Variants in MACROD1 observed in about 807,000 individuals in gnomAD.
MACROD1 encodes ADP-ribose glycohydrolase MACROD1.
Under a neutral mutation model 41.4 loss-of-function variants are expected in MACROD1, and 31 were observed. The observed-to-expected ratio is 0.75, with a 90% CI of 0.56 to 1.01. MACROD1 has a LOEUF of 1.01. Ranked by LOEUF, MACROD1 falls within the 50% of genes least tolerant of loss-of-function variation. The probability of loss-of-function intolerance (pLI) is 0.00; values close to 1 mark genes in which losing one functional copy is unlikely to be tolerated. For missense variants in MACROD1, 473 were observed against 460.0 expected (o/e 1.03, Z -0.26); for synonymous variants, 252 against 203.4 (o/e 1.24, Z -2.03).
At chr11:64,019,927 C>T (rs914389847) in intron 3 of MACROD1, among the ~76,000 whole-genome samples, 7 of 152,106 alleles carry the variant, frequency 4.6e-5, no homozygotes, top group African/African-American at 1.7e-4. Flanking sequence ...TGAGGGCACC[C>T]TACCAGCCAA....
intron 3 of MACROD1, chr11:64,116,100 A>G (rs1944973912): frequency 9.6e-7 from 1 of 1,040,336 alleles, no homozygotes; most frequent in Admixed American, 2.9e-5. Context: ...CTCACCCCGC[A>G]GGACCGGACT....
chr11:63,998,965 G>A lies in MACROD1; in HGVS notation c.963C>T (p.Tyr321=), dbSNP rs368260645. 1.0e-4 allele frequency: 166 copies of A among 1,604,506 alleles called. No homozygotes were observed. The highest frequency in any genetic ancestry group is 1.3e-4 in the Non-Finnish European group (149 of 1,176,752). Residue 321 remains tyrosine, a synonymous_variant, in exon 9 of 11, where the codon TAC becomes TAT. Coordinates refer to ENST00000255681, the MANE Select transcript of MACROD1 (RefSeq NM_014067.4). ...GCGCGGGGCACGTACCCACGGGGAA[G>A]TAGTGGGGGAGCCGGCTCCGGTAGA... ...EDIYRSRLPH[Y]FPVA is the part of the protein sequence containing the mutation.
chr11:64,138,828 C>T (rs1945369014), intron 3 of MACROD1, among the ~76,000 whole-genome samples: 1 of 151,882 alleles, frequency 6.6e-6, no homozygotes, highest in Non-Finnish European at 1.5e-5. Flanking sequence ...AGTGCGGTGG[C>T]ACCATCTCAG....
intron 4 of MACROD1, among the ~76,000 whole-genome samples, chr11:64,004,708 T>C (rs1414771520): frequency 6.6e-6 from 1 of 151,930 alleles, no homozygotes; most frequent in African/African-American, 2.4e-5. Context: ...TGCTGGTGGT[T>C]TGGGGCAAGT....
chr11:64,033,739 G>T (rs1304588287), intron 3 of MACROD1, among the ~76,000 whole-genome samples: 1 of 152,056 alleles, frequency 6.6e-6, no homozygotes, highest in Non-Finnish European at 1.5e-5. Flanking sequence ...TACTCGGGAG[G>T]CTGAGGCAGG....
At chr11:64,055,500 G>A (rs946448427) in intron 3 of MACROD1, among the ~76,000 whole-genome samples, 3 of 152,186 alleles carry the variant, frequency 2.0e-5, no homozygotes, top group African/African-American at 4.8e-5. Flanking sequence ...TGGCTCCCCT[G>A]CCCCATTAGG....
chr11:64,114,266 G>GGATA, intron 3 of MACROD1, among the ~76,000 whole-genome samples: 2 of 151,102 alleles, frequency 1.3e-5, no homozygotes, highest in Non-Finnish European at 3.0e-5. Flanking sequence ...GTGGATGGAT[G>GGATA]GATGGATGGA....
rs960708444 is a variant in MACROD1 at position 64,064,214 on chromosome 11, G to A, written c.518-48933C>T. 6.6e-6 allele frequency among the ~76,000 whole-genome samples: 1 copy of A among 151,902 alleles called. No homozygotes were observed. The highest frequency in any genetic ancestry group is 1.5e-5 in the Non-Finnish European group (1 of 68,030). The stretch of plus-strand genomic sequence containing the variant: ...TACATGAATAAAACATCAGTGTAGG[G>A]GAAAAAAATCCCAAACTGCACAGCC... On this transcript the variant is annotated intron_variant, in intron 3 of 10. Transcript: ENST00000255681. This position sits in a 1 kb window ranked among gnomAD's most constrained non-coding sequence, Gnocchi z 4.5.
In MACROD1 at chr11:64,036,026, C is replaced by T. The variant is rs1399950709; in HGVS notation, c.518-20745G>A. On this transcript the variant is annotated intron_variant, in intron 3 of 10. Coordinates refer to ENST00000255681, the MANE Select transcript of MACROD1 (RefSeq NM_014067.4). This position sits in a 1 kb window ranked among gnomAD's most constrained non-coding sequence, Gnocchi z 5.6. ...CCCGCCACCGTGCTCTGCCGCGCGCCGGGGGCTCCTCTCCCGGGCCCCCCT... is the reference window on the plus strand; with the variant it reads ...CCCGCCACCGTGCTCTGCCGCGCGCTGGGGGCTCCTCTCCCGGGCCCCCCT... 6.6e-6 allele frequency: 1 copy of T among 151,318 alleles called. No individual in the cohort carries two copies. Among genetic ancestry groups the T allele is most frequent in the East Asian group, 2.0e-4 (1 of 5,112 alleles). 9.4% of individuals were successfully genotyped at this position (151,318 alleles called of 1,614,324 possible).
At chr11:63,999,953 C>T (rs1186635443) in intron 5 of MACROD1, 190 bp from the exon 6 acceptor site, 6 of 702,210 alleles carry the variant, frequency 8.5e-6, no homozygotes, top group Non-Finnish European at 1.2e-5. Context: ...AGCCCCGCGC[C>T]CCCTCCCCAC....
rs1459584240 is a variant in MACROD1 at position 64,064,257 on chromosome 11, A to G, written c.518-48976T>C. On this transcript the variant is annotated intron_variant, in intron 3 of 10. Coordinates refer to ENST00000255681, the MANE Select transcript of MACROD1 (RefSeq NM_014067.4). This position sits in a 1 kb window ranked among gnomAD's most constrained non-coding sequence, Gnocchi z 4.5. ...GCACAGCCTAGGGTTGGGGACAAAA[A>G]GCAACCAAGCCACACCGTAGTCTCC... Among the ~76,000 whole-genome samples the G allele has an allele frequency of 6.6e-6, 1 of 152,136 alleles. No homozygotes were observed. Among genetic ancestry groups the G allele is most frequent in the Non-Finnish European group, 1.5e-5 (1 of 68,032 alleles).
intron 3 of MACROD1, among the ~76,000 whole-genome samples, chr11:64,086,058 C>A (rs1226266220): frequency 6.6e-6 from 1 of 152,198 alleles, no homozygotes; most frequent in Non-Finnish European, 1.5e-5. Flanking sequence ...GCCCTCCCTC[C>A]CTATGGAGCC....
intron 3 of MACROD1, chr11:64,081,688 G>A (rs1165522774): frequency 2.0e-5 from 3 of 152,190 alleles, no homozygotes; most frequent in Non-Finnish European, 2.9e-5. Flanking sequence ...CTTGAACCAT[G>A]CAGGTGAGGG....
intron 3 of MACROD1, among the ~76,000 whole-genome samples, chr11:64,149,472 C>G (rs1945543328): frequency 6.6e-6 from 1 of 152,202 alleles, no homozygotes; most frequent in Admixed American, 6.5e-5. Context: ...AACCTGGCGA[C>G]TCCCAAGGGC....
At chr11:64,000,503 C>T (rs1942805243) in intron 4 of MACROD1, among the ~76,000 whole-genome samples, 160 bp from the exon 5 acceptor site, 1 of 152,030 alleles carries the variant, frequency 6.6e-6, no homozygotes, top group African/African-American at 2.4e-5. Context: ...CACCCCCGCC[C>T]GGAATGTTTC....
chr11:64,132,530 G>T (rs115841454), intron 3 of MACROD1, among the ~76,000 whole-genome samples: 2,368 of 152,284 alleles, frequency 0.016, 35 homozygotes, highest in South Asian at 0.092. Flanking sequence ...AGGGACGGGC[G>T]GGTCCTGAGC....
chr11:64,057,889 T>G (rs1943819775), intron 3 of MACROD1, among the ~76,000 whole-genome samples: 1 of 152,194 alleles, frequency 6.6e-6, no homozygotes. Flanking sequence ...GGTCACAGGA[T>G]TTGAACTCAT....
intron 3 of MACROD1, among the ~76,000 whole-genome samples, chr11:64,085,595 G>A (rs545621443): frequency 1.4e-4 from 21 of 152,316 alleles, no homozygotes; most frequent in African/African-American, 3.8e-4. Context: ...AGGCCGCAGC[G>A]TGGGCCAGCA....
At chr11:64,159,685 G>T (rs540237957) in intron 1 of MACROD1, among the ~76,000 whole-genome samples, 4 of 150,894 alleles carry the variant, frequency 2.7e-5, no homozygotes, top group African/African-American at 9.7e-5. Context: ...TCCCAGCTAC[G>T]CGGGAGGCTG....
Sources: allele counts gnomAD v4.1 joint callset (sites outside exome capture counted in the v4.1 genomes callset), GRCh38; gene constraint gnomAD v4.1.1; non-coding constraint Gnocchi (gnomAD v3.1); transcripts MANE v1.5; gene names NCBI Gene and HGNC (gene_info 2026-07-23, HGNC 2026-07-21).